DACH1: variants seen among roughly 807,000 people sequenced by gnomAD.
DACH1 encodes dachshund homolog 1.
DACH1 carries 12 observed loss-of-function variants against 54.2 expected under a neutral mutation model. The observed-to-expected ratio is 0.22, with a 90% confidence interval of 0.14 to 0.36. The LOEUF (loss-of-function observed/expected upper bound fraction) is 0.36, where lower values mean the gene tolerates loss of function less well. DACH1 is among the 10% of genes least tolerant of loss of function. DACH1 has a pLI of 1.00. For synonymous variants in DACH1, 386 were observed against 366.2 expected (o/e 1.05, Z -0.62); for missense variants, 805 against 929.8 (o/e 0.87, Z 1.75).
rs1180786420 is a variant in DACH1, at chr13:71,866,391, C to A, written c.379G>T (p.Gly127Cys). Residue 127 changes from glycine (G) to cysteine (C), a missense_variant, in exon 1 of 11, where the codon GGC (glycine) becomes TGC (cysteine). Coordinates refer to ENST00000613252, the MANE Select transcript of DACH1 (RefSeq NM_080759.6). ...TTGATGGGGGTGCTGGAAGCGACGC[C>A]GCCGCCAGCGCTGATGCCGCCGCCG... The part of the protein sequence containing the change: ...GGGGGISAGG[G>C]VASSTPINAS... 1 of 1,473,320 alleles carries A rather than the reference C, an allele frequency of 6.8e-7. No homozygotes were observed. The highest frequency in any genetic ancestry group is 9.0e-7 in the Non-Finnish European group (1 of 1,107,682). 91.3% of individuals were successfully genotyped at this position (1,473,320 alleles called of 1,614,324 possible). A position where few individuals can be genotyped will look rare whatever the true frequency, so the allele number is the denominator to read the frequency against.
chr13:71,667,836 T>C (rs1879941993), intron 2 of DACH1, among the ~76,000 whole-genome samples: 1 of 152,118 alleles, frequency 6.6e-6, no homozygotes, highest in Non-Finnish European at 1.5e-5. Flanking sequence ...ATTGTAACAC[T>C]AAGGGATTAA....
chr13:71,840,029 C>T (rs930729424), intron 1 of DACH1, among the ~76,000 whole-genome samples: 2 of 152,178 alleles, frequency 1.3e-5, no homozygotes, highest in Admixed American at 6.5e-5. Flanking sequence ...TCACTGCAAC[C>T]TCCACCTCCT....
chr13:71,516,000 T>C lies in DACH1; in HGVS notation c.1571-26852A>G, dbSNP rs115683794. Among the ~76,000 whole-genome samples, 728 of 152,012 alleles carry C rather than the reference T, an allele frequency of 4.8e-3. 8 individuals carry two copies. The highest frequency in any genetic ancestry group is 0.016 in the African/African-American group (667 of 41,516). On this transcript the variant is annotated intron_variant, in intron 6 of 10. Coordinates refer to ENST00000613252, the MANE Select transcript of DACH1 (RefSeq NM_080759.6). ...ACTTAAGAAAGAAGTTAGGAGGCTATTTAAACTTCACGCTTATGGAAACAA... is the reference window on the plus strand; with the variant it reads ...ACTTAAGAAAGAAGTTAGGAGGCTACTTAAACTTCACGCTTATGGAAACAA...
chr13:71,769,140 G>A (rs1479351561), intron 1 of DACH1, among the ~76,000 whole-genome samples: 2 of 151,744 alleles, frequency 1.3e-5, no homozygotes. Context: ...AGCAACTTGA[G>A]CCAGATGACA....
At chr13:71,670,215 C>T (rs1361295304) in intron 2 of DACH1, among the ~76,000 whole-genome samples, 1 of 152,078 alleles carries the variant, frequency 6.6e-6, no homozygotes, top group Non-Finnish European at 1.5e-5. Context: ...TAATGAAGTG[C>T]AAAAACGTTT....
intron 3 of DACH1, among the ~76,000 whole-genome samples, chr13:71,627,656 A>G (rs1249734465): frequency 6.6e-6 from 1 of 152,066 alleles, no homozygotes; most frequent in Admixed American, 6.6e-5. Context: ...GATTCAGCAC[A>G]TCCTGTTATG....
intron 1 of DACH1, among the ~76,000 whole-genome samples, chr13:71,863,082 C>A (rs1438089658): frequency 6.6e-6 from 1 of 151,940 alleles, no homozygotes; most frequent in Admixed American, 6.6e-5. Flanking sequence ...AAAGGTTCTT[C>A]ACAGCAAAGA....
intron 1 of DACH1, among the ~76,000 whole-genome samples, chr13:71,745,923 TAAAC>T (rs1249363175): frequency 6.6e-6 from 1 of 152,132 alleles, no homozygotes; most frequent in Non-Finnish European, 1.5e-5. Context: ...TACATCATAA[TAAAC>T]AACATAATGC....
Position 71,865,311 on chromosome 13 carries a change from GGGTCATT to G in DACH1, c.848+604_848+610del, listed in dbSNP as rs1874655670. ...GATGGACCCGGTCTCTCAGCTTCGC[GGGTCATT>G]TCCCTCCCGACCTCAAAGTGCCCTC... On this transcript the variant is annotated intron_variant, in intron 1 of 10. Coordinates refer to ENST00000613252, the MANE Select transcript of DACH1 (RefSeq NM_080759.6). Among the ~76,000 whole-genome samples the G allele has an allele frequency of 4.6e-5, 7 of 152,264 alleles. No individual in the cohort carries two copies. In the South Asian group the frequency reaches 1.5e-3, roughly 32 times the overall value.
chr13:71,810,834 A>G (rs1011953169), intron 1 of DACH1, among the ~76,000 whole-genome samples: 28 of 152,288 alleles, frequency 1.8e-4, no homozygotes, highest in African/African-American at 6.5e-4. Context: ...GATACAGTAC[A>G]TTTTATGATG....
intron 2 of DACH1, among the ~76,000 whole-genome samples, chr13:71,649,120 T>C (rs911915160): frequency 3.3e-5 from 5 of 152,084 alleles, no homozygotes; most frequent in Admixed American, 2.0e-4. Context: ...TGCTGAAAAA[T>C]CCTTATTACA....
At chr13:71,700,565 C>CAAAAA (rs1211164206) in intron 1 of DACH1, among the ~76,000 whole-genome samples, 1 of 58,754 alleles carries the variant, frequency 1.7e-5, no homozygotes, top group African/African-American at 8.1e-5. Context: ...GACTCCATCT[C>CAAAAA]AAAAAAAAAA....
At chr13:71,826,461 A>G (rs1219129107) in intron 1 of DACH1, among the ~76,000 whole-genome samples, 1 of 151,910 alleles carries the variant, frequency 6.6e-6, no homozygotes, top group Admixed American at 6.6e-5. Context: ...GCCAGCTGGT[A>G]CCTTCTCCCT....
At chr13:71,741,339 A>G (rs913671542) in intron 1 of DACH1, among the ~76,000 whole-genome samples, 1 of 152,204 alleles carries the variant, frequency 6.6e-6, no homozygotes, top group Non-Finnish European at 1.5e-5. Context: ...AGATACTGCT[A>G]AGTAAGGACA....
chr13:71,687,364 A>C (rs1881226953), intron 1 of DACH1, among the ~76,000 whole-genome samples: 1 of 152,094 alleles, frequency 6.6e-6, no homozygotes, highest in African/African-American at 2.4e-5. Context: ...GGTAACATAC[A>C]GGAATGCTTA....
At chr13:71,665,151 ACT>A (rs561088717) in intron 2 of DACH1, among the ~76,000 whole-genome samples, 134 of 152,084 alleles carry the variant, frequency 8.8e-4, no homozygotes, top group African/African-American at 3.1e-3. Context: ...TTCAGAAATA[ACT>A]CTAATAGCAT....
chr13:71,854,136 G>C (rs551720416), intron 1 of DACH1, among the ~76,000 whole-genome samples: 2 of 152,052 alleles, frequency 1.3e-5, no homozygotes, highest in African/African-American at 4.8e-5. Flanking sequence ...CCTAAGCTTG[G>C]AATAAAATAC....
chr13:71,459,663 AATCTAGT>A (rs1322268192), intron 10 of DACH1, among the ~76,000 whole-genome samples: 1 of 151,946 alleles, frequency 6.6e-6, no homozygotes, highest in Non-Finnish European at 1.5e-5. Context: ...AAGAAGAAAG[AATCTAGT>A]ATTTTATATT....
At chr13:71,583,842 A>G (rs1222704707) in intron 3 of DACH1, among the ~76,000 whole-genome samples, 1 of 152,146 alleles carries the variant, frequency 6.6e-6, no homozygotes, top group African/African-American at 2.4e-5. Context: ...CTCAAATAAT[A>G]ATAAGAATCA....
Sources: gnomAD v4.1 joint callset for allele counts (sites outside exome capture counted in the v4.1 genomes callset) on GRCh38, gnomAD v4.1.1 for gene constraint, MANE v1.5 for transcripts, NCBI Gene and HGNC (gene_info 2026-07-23, HGNC 2026-07-21) for gene names.